Variants in GRM5 observed in about 807,000 individuals in gnomAD.
GRM5 encodes metabotropic glutamate receptor 5.
In GRM5, 19 loss-of-function variants were observed where a neutral mutation model predicts 83.1. That is an observed-to-expected ratio of 0.23 (90% CI 0.16 to 0.34). The LOEUF is 0.34. GRM5 is among the 10% of genes least tolerant of loss of function. GRM5 has a pLI of 1.00. For synonymous variants in GRM5, 675 were observed against 633.6 expected (o/e 1.07, Z -0.98); for missense variants, 1,160 against 1,588.3 (o/e 0.73, Z 4.58).
chr11:88,612,167 T>C (rs1036157226), intron 4 of GRM5, among the ~76,000 whole-genome samples: 1 of 140,212 alleles, frequency 7.1e-6, no homozygotes, highest in African/African-American at 2.7e-5. Flanking sequence ...CCTTCCTGTG[T>C]CCATGTGATC....
At chr11:89,056,469 T>G (rs1293810536) in intron 1 of GRM5, among the ~76,000 whole-genome samples, 1 of 152,196 alleles carries the variant, frequency 6.6e-6, no homozygotes, top group Non-Finnish European at 1.5e-5. Flanking sequence ...TACTTTATTT[T>G]CAGCGTAAAG....
chr11:88,766,831 C>T (rs995396194), intron 3 of GRM5, among the ~76,000 whole-genome samples: 1 of 151,888 alleles, frequency 6.6e-6, no homozygotes, highest in African/African-American at 2.4e-5. Context: ...CCGGTATCTA[C>T]AAGGAAGTTA....
intron 2 of GRM5, among the ~76,000 whole-genome samples, chr11:88,988,060 C>G (rs1483642415): frequency 2.0e-5 from 3 of 150,438 alleles, no homozygotes; most frequent in Middle Eastern, 3.2e-3. Flanking sequence ...TCAAATTACT[C>G]TGAGCTACGG....
chr11:88,737,386 G>C (rs914400558), intron 3 of GRM5, among the ~76,000 whole-genome samples: 2 of 151,892 alleles, frequency 1.3e-5, no homozygotes, highest in African/African-American at 4.8e-5. Context: ...TAATCCAGTA[G>C]GTATTCAATG....
intron 3 of GRM5, among the ~76,000 whole-genome samples, chr11:88,772,465 T>C (rs1942759386): frequency 6.6e-6 from 1 of 152,252 alleles, no homozygotes; most frequent in South Asian, 2.1e-4. Flanking sequence ...TTTATTTTAT[T>C]GTACTTTAAG....
chr11:88,771,997 T>G (rs1032535531), intron 3 of GRM5, among the ~76,000 whole-genome samples: 1 of 151,382 alleles, frequency 6.6e-6, no homozygotes, highest in Non-Finnish European at 1.5e-5. Flanking sequence ...CTCAGCATAC[T>G]GCCCTTGAGT....
At chr11:88,584,173 A>C (rs2135197985) in intron 7 of GRM5, among the ~76,000 whole-genome samples, 1 of 151,912 alleles carries the variant, frequency 6.6e-6, no homozygotes, top group Admixed American at 6.6e-5. Flanking sequence ...TCTATATTAA[A>C]AAATGTTAAT....
At chr11:88,657,101 A>G (rs1939783385) in intron 3 of GRM5, among the ~76,000 whole-genome samples, 1 of 152,178 alleles carries the variant, frequency 6.6e-6, no homozygotes, top group African/African-American at 2.4e-5. Flanking sequence ...TGAGTCAACA[A>G]TTTATATTAA....
intron 2 of GRM5, among the ~76,000 whole-genome samples, chr11:89,035,197 A>G (rs1166117282): frequency 6.6e-6 from 1 of 151,772 alleles, no homozygotes; most frequent in Non-Finnish European, 1.5e-5. Flanking sequence ...TTTCCATAAA[A>G]ACATATTGTC....
At chr11:88,869,922 A>G (rs1276204425) in intron 2 of GRM5, among the ~76,000 whole-genome samples, 2 of 151,620 alleles carry the variant, frequency 1.3e-5, no homozygotes, top group Non-Finnish European at 3.0e-5. Flanking sequence ...TCACAATTAC[A>G]TAAACAAGTA....
intron 3 of GRM5, among the ~76,000 whole-genome samples, chr11:88,771,313 G>A (rs1221951278): frequency 6.6e-6 from 1 of 152,060 alleles, no homozygotes; most frequent in African/African-American, 2.4e-5. Context: ...TATGCAAGCT[G>A]AGGAAAAAAG....
At chr11:88,953,236 T>A (rs1938516437) in intron 2 of GRM5, among the ~76,000 whole-genome samples, 1 of 152,196 alleles carries the variant, frequency 6.6e-6, no homozygotes, top group East Asian at 1.9e-4. Context: ...ATTATCAACA[T>A]TCCACTTTTT....
chr11:88,510,098 T>G (rs1238590150), intron 9 of GRM5, among the ~76,000 whole-genome samples: 1 of 152,224 alleles, frequency 6.6e-6, no homozygotes, highest in Admixed American at 6.5e-5. Flanking sequence ...TAGTGTTACT[T>G]AGGCTGCCTT....
chr11:88,861,678 G>A (rs1944566053), intron 2 of GRM5, among the ~76,000 whole-genome samples: 3 of 151,966 alleles, frequency 2.0e-5, no homozygotes, highest in Admixed American at 6.6e-5. Flanking sequence ...TGTTGCCCAG[G>A]CTGGTCTTGA....
Position 88,934,930 on chromosome 11 carries a change from G to T in GRM5, c.662-84775C>A, listed in dbSNP as rs529448870. On this transcript the variant is annotated intron_variant, in intron 2 of 9. Transcript: ENST00000305447. ...GGTTTGCCAAATTCTATGATCTAAA[G>T]CTTTCGTGAAGCAACAGGAAAGGGC... Among the ~76,000 whole-genome samples, 3 of 151,978 alleles carry T rather than the reference G, an allele frequency of 2.0e-5. No homozygotes were observed. In the East Asian group the frequency reaches 5.8e-4, roughly 29 times the overall value.
At chr11:89,022,962 G>C (rs946446358) in intron 2 of GRM5, among the ~76,000 whole-genome samples, 3 of 152,146 alleles carry the variant, frequency 2.0e-5, no homozygotes, top group African/African-American at 7.2e-5. Flanking sequence ...CAGAGTTTCT[G>C]ATTCACAAAA....
At chr11:88,761,410 C>G (rs901123630) in intron 3 of GRM5, among the ~76,000 whole-genome samples, 1 of 151,770 alleles carries the variant, frequency 6.6e-6, no homozygotes, top group Non-Finnish European at 1.5e-5. Flanking sequence ...CACCAACAAC[C>G]ATCAAACCAA....
rs189991709 is a variant in GRM5 at position 88,745,086 on chromosome 11, A to G, written c.912-91683T>C. 3.3e-3 allele frequency among the ~76,000 whole-genome samples: 494 copies of G among 151,870 alleles called. 1 individual carries two copies. Among genetic ancestry groups the G allele is most frequent in the African/African-American group, 0.011 (471 of 41,274 alleles). On this transcript the variant is annotated intron_variant, in intron 3 of 9. Coordinates refer to ENST00000305447, the MANE Select transcript of GRM5 (RefSeq NM_001143831.3). ...GAATTGTTAAGTGACTTCACAAGTTATATAGTCAAGAAATGGAAAAGCCAG... is the reference window on the plus strand; with the variant it reads ...GAATTGTTAAGTGACTTCACAAGTTGTATAGTCAAGAAATGGAAAAGCCAG...
At chr11:88,894,530 A>C (rs1291589356) in intron 2 of GRM5, among the ~76,000 whole-genome samples, 2 of 151,944 alleles carry the variant, frequency 1.3e-5, no homozygotes, top group East Asian at 3.9e-4. Context: ...TGGTCCCACC[A>C]CTGCAATTTT....
Sources: gnomAD v4.1 joint callset for allele counts (sites outside exome capture counted in the v4.1 genomes callset) on GRCh38, gnomAD v4.1.1 for gene constraint, MANE v1.5 for transcripts, NCBI Gene and HGNC (gene_info 2026-07-23, HGNC 2026-07-21) for gene names.